Variants in DCAF6 observed in about 807,000 individuals in gnomAD.
DCAF6 encodes DDB1- and CUL4-associated factor 6.
In DCAF6, 54 loss-of-function variants were observed where a neutral mutation model predicts 125.1. The observed-to-expected ratio is 0.43, with a 90% confidence interval of 0.35 to 0.54. The LOEUF is 0.54. DCAF6 is among the 20% of genes least tolerant of loss of function. DCAF6 has a pLI of 0.01. For synonymous variants in DCAF6, 371 were observed against 390.4 expected (o/e 0.95, Z 0.58); for missense variants, 934 against 1,161.7 (o/e 0.80, Z 2.85).
Position 167,991,279 on chromosome 1 carries a change from GGTT to G in DCAF6, c.632_634del (p.Cys211del). On this transcript the variant is annotated inframe_deletion, in exon 6 of 22. Transcript: ENST00000367840. The stretch of plus-strand genomic sequence containing the variant: ...ACCAATACCATATTACCTTGCTGTT[GGTT>G]GTTCTGACAGCTCAGTACGAATATA... 2 of 1,613,590 alleles carry G rather than the reference GGTT, an allele frequency of 1.2e-6. No homozygotes were observed. The highest frequency in any genetic ancestry group is 1.7e-6 in the Non-Finnish European group (2 of 1,179,866).
Position 167,936,765 on chromosome 1 carries a change from C to T in DCAF6, c.-147C>T, listed in dbSNP as rs1001861455. The T allele has an allele frequency of 1.2e-5, 8 of 682,906 alleles. No individual in the cohort carries two copies. Among genetic ancestry groups the T allele is most frequent in the Non-Finnish European group, 2.0e-5 (8 of 402,304 alleles). 42.3% of individuals were successfully genotyped at this position (682,906 alleles called of 1,614,324 possible). On this transcript the variant is annotated 5_prime_UTR_variant, in exon 1 of 22. Coordinates refer to ENST00000367840, the MANE Select transcript of DCAF6 (RefSeq NM_001198956.2). Reference sequence around the variant, plus strand: ...CCGGGCTTCAGGGGCCCAGGCGCCGCTGCTGCCACCGCCATCTAACGCTGC... The same window carrying T: ...CCGGGCTTCAGGGGCCCAGGCGCCGTTGCTGCCACCGCCATCTAACGCTGC...
chr1:167,924,848 T>C, the DCAF6 span, among the ~76,000 whole-genome samples: 1 of 152,160 alleles, frequency 6.6e-6, no homozygotes, highest in Non-Finnish European at 1.5e-5. Flanking sequence ...TTCATACTAG[T>C]TTTACACTCA....
At chr1:168,049,063 AC>A (rs1055904185) in intron 16 of DCAF6, among the ~76,000 whole-genome samples, 50 of 152,374 alleles carry the variant, frequency 3.3e-4, no homozygotes, top group African/African-American at 1.2e-3. Flanking sequence ...AGAACATGGA[AC>A]AGTAAATGGG....
chr1:167,993,459 A>G lies in DCAF6; in HGVS notation c.903+19A>G, dbSNP rs1251935982. ...AGAAGAGGTAGGTTTACTCAAAACC[A>G]TGTCCTTTGGCCGGGCGCGGTGGCT... On this transcript the variant is annotated intron_variant, in intron 7 of 21. Transcript: ENST00000367840. The G allele has an allele frequency of 1.9e-6, 3 of 1,609,030 alleles. No individual in the cohort carries two copies. Among genetic ancestry groups the G allele is most frequent in the African/African-American group, 1.3e-5 (1 of 74,760 alleles).
At chr1:168,034,293 T>C (rs1366635174) in intron 12 of DCAF6, among the ~76,000 whole-genome samples, 1 of 152,096 alleles carries the variant, frequency 6.6e-6, no homozygotes, top group African/African-American at 2.4e-5. Flanking sequence ...GGAAGCAGGA[T>C]CACTTGAGGC....
intron 13 of DCAF6, among the ~76,000 whole-genome samples, chr1:168,042,527 T>TG (rs1033273120): frequency 2.0e-5 from 3 of 151,976 alleles, no homozygotes; most frequent in Non-Finnish European, 4.4e-5. Flanking sequence ...CTGCCATGTT[T>TG]GAACAGCAGA....
chr1:167,962,358 A>G (rs183123670), intron 2 of DCAF6, among the ~76,000 whole-genome samples: 10 of 151,698 alleles, frequency 6.6e-5, no homozygotes, highest in African/African-American at 2.2e-4. Flanking sequence ...TATCTCACAT[A>G]TTTCGATGCT....
rs776464027 is a variant in DCAF6, at chr1:167,936,872, C to T, written c.-40C>T. On this transcript the variant is annotated 5_prime_UTR_variant, in exon 1 of 22. Transcript: ENST00000367840. Reference sequence around the variant, plus strand: ...GTCCCCTCCCCCTCCTCCCCTCCCCCACGCGGTGGTCTCCCCTCCCACCCG... The same window carrying T: ...GTCCCCTCCCCCTCCTCCCCTCCCCTACGCGGTGGTCTCCCCTCCCACCCG... The T allele has an allele frequency of 2.6e-6, 4 of 1,519,182 alleles. No individual in the cohort carries two copies. Among genetic ancestry groups the T allele is most frequent in the African/African-American group, 1.4e-5 (1 of 73,064 alleles). 94.1% of individuals were successfully genotyped at this position (1,519,182 alleles called of 1,614,324 possible).
At chr1:167,937,445 C>T (rs1178708161) in intron 1 of DCAF6, among the ~76,000 whole-genome samples, 1 of 152,168 alleles carries the variant, frequency 6.6e-6, no homozygotes, top group Admixed American at 6.5e-5. Context: ...TAGGTGTCGG[C>T]TGCGACGCGT....
the DCAF6 span, among the ~76,000 whole-genome samples, chr1:167,887,113 T>C: frequency 1.3e-5 from 2 of 152,114 alleles, no homozygotes; most frequent in Non-Finnish European, 2.9e-5. Flanking sequence ...GTAAACTAGT[T>C]CAACCATTGT....
the DCAF6 span, among the ~76,000 whole-genome samples, chr1:167,864,296 A>G: frequency 6.6e-6 from 1 of 152,216 alleles, no homozygotes; most frequent in Non-Finnish European, 1.5e-5. Context: ...AACTATGTTG[A>G]AAAATTTCAA....
chr1:168,016,722 AAGATGG>A (rs1359951704), intron 11 of DCAF6, among the ~76,000 whole-genome samples: 4 of 152,118 alleles, frequency 2.6e-5, no homozygotes, highest in African/African-American at 7.2e-5. Context: ...TAGTTATTTC[AAGATGG>A]GTAATAGATA....
chr1:168,059,345 C>T lies in DCAF6; in HGVS notation c.2301-4276C>T, dbSNP rs142381787. Among the ~76,000 whole-genome samples the T allele has an allele frequency of 2.1e-3, 317 of 152,264 alleles. 2 individuals are homozygous for T. The highest frequency in any genetic ancestry group is 7.1e-3 in the African/African-American group (296 of 41,560). ...AGATTTATATAAAACAGATTTGTTT[C>T]TAGGCTCTTTTGTTTCATCAGACAA... On this transcript the variant is annotated intron_variant, in intron 17 of 21. Coordinates refer to ENST00000367840, the MANE Select transcript of DCAF6 (RefSeq NM_001198956.2).
At chr1:168,031,999 A>G (rs1034501120) in intron 12 of DCAF6, among the ~76,000 whole-genome samples, 1 of 152,222 alleles carries the variant, frequency 6.6e-6, no homozygotes, top group Admixed American at 6.5e-5. Flanking sequence ...CACAGTTTCA[A>G]TCTAAATGTA....
chr1:168,017,987 G>C (rs1685199071), intron 11 of DCAF6, among the ~76,000 whole-genome samples: 1 of 152,050 alleles, frequency 6.6e-6, no homozygotes, highest in Non-Finnish European at 1.5e-5. Flanking sequence ...CTATGATTTG[G>C]AAACCAAGAA....
the DCAF6 span, among the ~76,000 whole-genome samples, chr1:167,877,569 A>G: frequency 6.6e-6 from 1 of 152,160 alleles, no homozygotes; most frequent in African/African-American, 2.4e-5. Context: ...CACTGGGGAT[A>G]TAAGAATAAA....
At chr1:167,935,921 C>T (rs577207194), upstream of DCAF6, 1 of 1,118,138 alleles carries the variant, frequency 8.9e-7, no homozygotes, top group South Asian at 1.3e-5. Context: ...GGGAGCTAGT[C>T]ACTTTTCCTG....
At chr1:167,878,551 C>T in the DCAF6 span, 1 of 1,614,110 alleles carries the variant, frequency 6.2e-7, no homozygotes, top group East Asian at 2.2e-5. Context: ...TAGGTTGCTC[C>T]CATTGTAGGT....
chr1:167,864,816 C>G, the DCAF6 span, among the ~76,000 whole-genome samples: 2 of 151,338 alleles, frequency 1.3e-5, no homozygotes, highest in Non-Finnish European at 2.9e-5. Flanking sequence ...TGAGGCCTTC[C>G]TATCAAAAAT....
Sources: gnomAD v4.1 joint callset for allele counts (sites outside exome capture counted in the v4.1 genomes callset) on GRCh38, gnomAD v4.1.1 for gene constraint, MANE v1.5 for transcripts, NCBI Gene and HGNC (gene_info 2026-07-23, HGNC 2026-07-21) for gene names.